The following SDK1 variants were observed in gnomAD, a reference collection of about 807,000 sequenced individuals.
The protein encoded by SDK1 is protein sidekick-1.
In SDK1, 157 loss-of-function variants were observed where a neutral mutation model predicts 245.5. That is an observed-to-expected ratio of 0.64 (90% CI 0.56 to 0.73). SDK1 has a LOEUF of 0.73. SDK1 is among the 30% of genes least tolerant of loss of function. The pLI, the probability that SDK1 is intolerant of heterozygous loss-of-function variation, is 0.00. For synonymous variants in SDK1, 1,647 were observed against 1,278.5 expected, an observed-to-expected ratio of 1.29 and a Z score of -6.15; for missense variants, 3,583 against 3,002.3, an observed-to-expected ratio of 1.19 and a Z score of -4.52.
intron 22 of SDK1, among the ~76,000 whole-genome samples, chr7:4,094,423 A>G (rs1429880840): frequency 6.6e-6 from 1 of 152,200 alleles, no homozygotes; most frequent in African/African-American, 2.4e-5. Flanking sequence ...TTGCCCTTCC[A>G]CAGAACTTGC....
intron 1 of SDK1, among the ~76,000 whole-genome samples, chr7:3,507,271 G>A (rs1434582709): frequency 6.6e-6 from 1 of 152,116 alleles, no homozygotes; most frequent in Non-Finnish European, 1.5e-5. Flanking sequence ...CACATGTGCA[G>A]CGTAGTATTC....
intron 22 of SDK1, among the ~76,000 whole-genome samples, chr7:4,099,939 A>G (rs1782426025): frequency 6.6e-6 from 1 of 152,032 alleles, no homozygotes; most frequent in Admixed American, 6.6e-5. Context: ...GGCTCTTGAC[A>G]GCCCTTTAGG....
chr7:3,938,270 A>G (rs1780230350), intron 5 of SDK1, among the ~76,000 whole-genome samples: 1 of 152,206 alleles, frequency 6.6e-6, no homozygotes, highest in African/African-American at 2.4e-5. Flanking sequence ...TCCACTGAAA[A>G]GACTTATGAT....
At chr7:3,330,929 G>A (rs750056343) in intron 1 of SDK1, among the ~76,000 whole-genome samples, 4 of 151,276 alleles carry the variant, frequency 2.6e-5, no homozygotes, top group Non-Finnish European at 5.9e-5. Context: ...TCCTGTCATT[G>A]CACTCCAGCC....
rs1786802663 is a variant in SDK1 at position 4,245,678 on chromosome 7, C to T, written c.6254C>T (p.Ser2085Phe). 1.2e-6 allele frequency: 2 copies of T among 1,613,720 alleles called. No homozygotes were observed. Among genetic ancestry groups the T allele is most frequent in the African/African-American group, 2.7e-5 (2 of 74,904 alleles). ...TGCAGCATGGGTCCTCATCCTAGGT[C>T]CCCACCCCGGCCTAGCCCCGGCGGC... The part of the protein sequence containing the change: ...STFSKKNGTR[S>F]PPRPSPGGLH... Residue 2085 changes from serine (S) to phenylalanine (F), a missense_variant and splice_region_variant, in exon 44 of 45, where the codon TCC (serine) becomes TTC (phenylalanine). Ser to Phe is a radical substitution (Grantham distance 155). Coordinates refer to ENST00000404826, the MANE Select transcript of SDK1 (RefSeq NM_152744.4).
At chr7:3,953,856 G>C (rs1781024988) in intron 7 of SDK1, among the ~76,000 whole-genome samples, 1 of 152,162 alleles carries the variant, frequency 6.6e-6, no homozygotes, top group Admixed American at 6.5e-5. Context: ...ATAAGAATTT[G>C]CTGTAGCAGG....
intron 1 of SDK1, among the ~76,000 whole-genome samples, chr7:3,511,432 A>T (rs1782574740): frequency 1.3e-5 from 2 of 152,178 alleles, no homozygotes; most frequent in South Asian, 4.1e-4. Context: ...CAATAAGTTG[A>T]TTATTTAGGT....
At chr7:3,683,849 C>G (rs547987123) in intron 4 of SDK1, among the ~76,000 whole-genome samples, 1 of 152,172 alleles carries the variant, frequency 6.6e-6, no homozygotes, top group Non-Finnish European at 1.5e-5. Flanking sequence ...CAAAATGCTC[C>G]AAGAACAGTC....
intron 5 of SDK1, among the ~76,000 whole-genome samples, chr7:3,882,639 T>C (rs1273253902): frequency 2.0e-5 from 3 of 152,182 alleles, no homozygotes; most frequent in Non-Finnish European, 4.4e-5. Flanking sequence ...GTAAATAGCA[T>C]TGTTGGAGCG....
At chr7:3,664,970 A>G (rs1340186045) in intron 4 of SDK1, among the ~76,000 whole-genome samples, 1 of 152,210 alleles carries the variant, frequency 6.6e-6, no homozygotes, top group East Asian at 1.9e-4. Context: ...CCATATCCAC[A>G]GCAGGATGAT....
intron 7 of SDK1, 47 bp from the exon 8 acceptor site, chr7:3,958,884 A>G (rs566049613): frequency 1.4e-6 from 2 of 1,444,338 alleles, no homozygotes; most frequent in South Asian, 1.1e-5. Flanking sequence ...GGTCTCTGAC[A>G]TATCCTTCTT....
intron 5 of SDK1, among the ~76,000 whole-genome samples, chr7:3,887,285 A>G (rs895868650): frequency 5.9e-5 from 9 of 152,190 alleles, no homozygotes; most frequent in Admixed American, 5.9e-4. Flanking sequence ...TCACTCCAGA[A>G]ATGATAATGA....
At chr7:3,824,560 A>G (rs1213963650) in intron 5 of SDK1, among the ~76,000 whole-genome samples, 4 of 152,174 alleles carry the variant, frequency 2.6e-5, no homozygotes, top group Non-Finnish European at 5.9e-5. Context: ...CCTTGAGGAC[A>G]GCACCGTGTT....
chr7:3,947,005 A>G (rs545836378), intron 5 of SDK1, among the ~76,000 whole-genome samples: 1 of 152,242 alleles, frequency 6.6e-6, no homozygotes, highest in African/African-American at 2.4e-5. Context: ...TGATTTGCCA[A>G]TTTTAGACGT....
chr7:3,418,145 G>A (rs554792861), intron 1 of SDK1, among the ~76,000 whole-genome samples: 9,272 of 119,618 alleles, frequency 0.078, 755 homozygotes, highest in Middle Eastern at 0.14. Context: ...TACTAAAAAT[G>A]AAAAAAAAAA....
chr7:3,833,191 T>C (rs1779951393), intron 5 of SDK1, among the ~76,000 whole-genome samples: 1 of 152,150 alleles, frequency 6.6e-6, no homozygotes, highest in African/African-American at 2.4e-5. Context: ...GGCTTTTCCA[T>C]TTTAGTTCCT....
At chr7:3,448,060 T>A (rs1201172855) in intron 1 of SDK1, among the ~76,000 whole-genome samples, 3 of 152,188 alleles carry the variant, frequency 2.0e-5, no homozygotes, top group Non-Finnish European at 4.4e-5. Flanking sequence ...AGGTTTCTGA[T>A]AATGGGACTG....
intron 4 of SDK1, among the ~76,000 whole-genome samples, chr7:3,713,398 A>C (rs1785105656): frequency 6.6e-6 from 1 of 152,186 alleles, no homozygotes; most frequent in South Asian, 2.1e-4. Flanking sequence ...CTAAGTAAGG[A>C]CTTCAAAAAA....
chr7:3,638,548 A>G (rs1477105929), intron 2 of SDK1, among the ~76,000 whole-genome samples: 1 of 147,482 alleles, frequency 6.8e-6, no homozygotes, highest in Non-Finnish European at 1.5e-5. Flanking sequence ...AAAACCAAAC[A>G]CCGCATGTTC....
Sources: allele counts gnomAD v4.1 joint callset (sites outside exome capture counted in the v4.1 genomes callset), GRCh38; gene constraint gnomAD v4.1.1; transcripts MANE v1.5; gene names NCBI Gene and HGNC (gene_info 2026-07-23, HGNC 2026-07-21).